The following SOS2 variants were observed in gnomAD, a reference collection of about 807,000 sequenced individuals.
The protein encoded by SOS2 is SOS Ras/Rho guanine nucleotide exchange factor 2.
Under a neutral mutation model 148.2 loss-of-function variants are expected in SOS2, and 65 were observed. The observed-to-expected ratio is 0.44, with a 90% CI of 0.36 to 0.54. The LOEUF (loss-of-function observed/expected upper bound fraction) is 0.54. Among genes scored for constraint, SOS2 ranks in the 20% least tolerant of loss-of-function variants. The probability of loss-of-function intolerance (pLI) is 0.00; values close to 1 mark genes in which losing one functional copy is unlikely to be tolerated. For missense variants in SOS2, 1,341 were observed against 1,590.2 expected (o/e 0.84, Z 2.67); for synonymous variants, 539 against 537.1 (o/e 1.00, Z -0.05).
At chr14:50,121,489 T>C (rs943403416) in intron 21 of SOS2, among the ~76,000 whole-genome samples, 2 of 127,714 alleles carry the variant, frequency 1.6e-5, no homozygotes, top group South Asian at 2.5e-4. Context: ...ATGTCAAAAA[T>C]TGCTATCCCG....
intron 7 of SOS2, among the ~76,000 whole-genome samples, chr14:50,175,822 C>T (rs1376189591): frequency 1.2e-4 from 18 of 152,092 alleles, no homozygotes; most frequent in Admixed American, 1.2e-3. Context: ...ATCTGATATG[C>T]TGCTTTAAAA....
At chr14:50,230,088 CTT>C (rs1887494644) in intron 1 of SOS2, among the ~76,000 whole-genome samples, 1 of 152,220 alleles carries the variant, frequency 6.6e-6, no homozygotes, top group African/African-American at 2.4e-5. Context: ...GAAAGCAATA[CTT>C]CCTTGTAAGA....
chr14:50,230,105 T>C (rs1013619321), intron 1 of SOS2, among the ~76,000 whole-genome samples: 6 of 152,246 alleles, frequency 3.9e-5, no homozygotes, highest in African/African-American at 7.2e-5. Context: ...GTAAGAATTA[T>C]GAAAATAAGG....
chr14:50,134,348 T>C, intron 18 of SOS2, 109 bp from the exon 19 acceptor site: 1 of 611,040 alleles, frequency 1.6e-6, no homozygotes, highest in Non-Finnish European at 2.9e-6. Flanking sequence ...TATTTAATGC[T>C]AAAAAATAAC....
At chr14:50,206,873 T>A (rs1886675862) in intron 1 of SOS2, among the ~76,000 whole-genome samples, 1 of 152,214 alleles carries the variant, frequency 6.6e-6, no homozygotes, top group Admixed American at 6.5e-5. Flanking sequence ...AATGCAGTAG[T>A]GCAATCATGG....
chr14:50,188,453 GT>G, intron 5 of SOS2, 43 bp downstream of exon 5: 3 of 1,298,674 alleles, frequency 2.3e-6, no homozygotes, highest in Non-Finnish European at 2.2e-6. Context: ...AGCTGGTCTG[GT>G]TTTTTGGGGT....
At chr14:50,189,331 CA>C (rs761860061) in intron 4 of SOS2, among the ~76,000 whole-genome samples, 1,275 of 31,460 alleles carry the variant, frequency 0.041, 86 homozygotes, top group African/African-American at 0.1. Context: ...CACATAATAG[CA>C]AAAAAAAAAA....
chr14:50,205,924 A>AG (rs1886646030), intron 1 of SOS2, among the ~76,000 whole-genome samples: 1 of 151,468 alleles, frequency 6.6e-6, no homozygotes, highest in Admixed American at 6.6e-5. Context: ...AAAAAAAAAA[A>AG]TAGCATAAAA....
At position 50,129,922 on chromosome 14, in the gene SOS2, A is replaced by T. The variant is rs768783756; in HGVS notation, c.3379+39T>A. On this transcript the variant is annotated intron_variant, in intron 21 of 22. Coordinates refer to ENST00000216373, the MANE Select transcript of SOS2 (RefSeq NM_006939.4). The stretch of plus-strand genomic sequence containing the variant: ...TATAATCAACCAGATTATTATCTTT[A>T]CAGTCATTTCATTAAGAATCAACTT... 7 of 1,272,022 alleles carry T rather than the reference A, an allele frequency of 5.5e-6. No homozygotes were observed. The African/African-American group carries it at 7.5e-5, about 14-fold the overall frequency. 78.8% of individuals were successfully genotyped at this position (1,272,022 alleles called of 1,614,324 possible).
chr14:50,180,653 T>C lies in SOS2; in HGVS notation c.888A>G (p.Leu296=). 1.3e-6 allele frequency: 2 copies of C among 1,596,414 alleles called. No homozygotes were observed. Among genetic ancestry groups the C allele is most frequent in the South Asian group, 1.1e-5 (1 of 87,770 alleles). ...ACTCTGGTGAAAGAATGTCCTGTGA[T>C]AATGTTTCATAAGGATCAAATGCTT... ...EEQAFDPYET[L]SQDILSPEFH... The change falls in exon 7 of 23, where the codon TTA becomes TTG. Residue 296 remains leucine (L), a synonymous_variant. Coordinates refer to ENST00000216373, the MANE Select transcript of SOS2 (RefSeq NM_006939.4).
At chr14:50,177,444 G>C (rs1321290596) in intron 7 of SOS2, among the ~76,000 whole-genome samples, 1 of 151,270 alleles carries the variant, frequency 6.6e-6, no homozygotes, top group African/African-American at 2.4e-5. Context: ...AAACAATTGA[G>C]TTTGGCCCGA....
intron 8 of SOS2, among the ~76,000 whole-genome samples, chr14:50,162,367 A>G (rs1885037996): frequency 6.6e-6 from 1 of 152,038 alleles, no homozygotes; most frequent in South Asian, 2.1e-4. Flanking sequence ...TCCTGGACTC[A>G]AGCTATCCTC....
At chr14:50,191,710 G>A (rs771849179) in intron 4 of SOS2, among the ~76,000 whole-genome samples, 4 of 152,126 alleles carry the variant, frequency 2.6e-5, no homozygotes, top group Non-Finnish European at 5.9e-5. Context: ...ATGGTAAACC[G>A]GAAGGTACAT....
intron 21 of SOS2, among the ~76,000 whole-genome samples, chr14:50,124,022 G>T (rs1349721251): frequency 6.6e-6 from 1 of 152,182 alleles, no homozygotes; most frequent in African/African-American, 2.4e-5. Context: ...TGAGGAGGCA[G>T]TGAGAGGAAC....
intron 4 of SOS2, among the ~76,000 whole-genome samples, chr14:50,192,673 G>A (rs1434059684): frequency 6.6e-6 from 1 of 152,072 alleles, no homozygotes; most frequent in Non-Finnish European, 1.5e-5. Context: ...AGACCAGCCT[G>A]GCCAACACGG....
intron 14 of SOS2, among the ~76,000 whole-genome samples, chr14:50,147,234 G>A (rs138107606): frequency 6.6e-6 from 1 of 151,588 alleles, no homozygotes; most frequent in Non-Finnish European, 1.5e-5. Context: ...AACCAGTTGG[G>A]CACTGTAGCT....
At chr14:50,215,008 TG>T (rs1357045294) in intron 1 of SOS2, among the ~76,000 whole-genome samples, 1 of 151,752 alleles carries the variant, frequency 6.6e-6, no homozygotes, top group African/African-American at 2.4e-5. Flanking sequence ...GCTAATTTTT[TG>T]TATTTTTTAG....
intron 14 of SOS2, among the ~76,000 whole-genome samples, chr14:50,147,096 C>G (rs928831348): frequency 6.6e-6 from 1 of 151,312 alleles, no homozygotes; most frequent in African/African-American, 2.4e-5. Flanking sequence ...TACTGAGAGA[C>G]TGAGGTGGGA....
At chr14:50,191,049 T>A (rs774210329) in intron 4 of SOS2, among the ~76,000 whole-genome samples, 5 of 152,182 alleles carry the variant, frequency 3.3e-5, no homozygotes, top group Non-Finnish European at 7.3e-5. Flanking sequence ...AGCAAGCCCA[T>A]TACTATATTA....
Sources: allele counts gnomAD v4.1 joint callset (sites outside exome capture counted in the v4.1 genomes callset), GRCh38; gene constraint gnomAD v4.1.1; transcripts MANE v1.5; gene names NCBI Gene and HGNC (gene_info 2026-07-23, HGNC 2026-07-21).